The following MACROD2 variants were observed in gnomAD, a reference collection of about 807,000 sequenced individuals.
MACROD2 encodes ADP-ribose glycohydrolase MACROD2.
In MACROD2, 36 loss-of-function variants were observed where a neutral mutation model predicts 70.4. The ratio of observed to expected loss-of-function variants is 0.51; its 90% CI spans 0.39 to 0.68. The LOEUF (loss-of-function observed/expected upper bound fraction) is 0.68, where lower values mean the gene tolerates loss of function less well. MACROD2 is among the 30% of genes least tolerant of loss of function. MACROD2 has a pLI of 0.00. For missense variants in MACROD2, 496 were observed against 538.4 expected (o/e 0.92, Z 0.78); for synonymous variants, 172 against 178.8 (o/e 0.96, Z 0.30).
chr20:14,369,216 G>A (rs150017411), intron 3 of MACROD2, among the ~76,000 whole-genome samples: 1 of 152,320 alleles, frequency 6.6e-6, no homozygotes, highest in East Asian at 1.9e-4. Flanking sequence ...CTCTGAAGGA[G>A]TCCTCAGTTA....
chr20:14,334,710 G>A (rs373716050), intron 3 of MACROD2, among the ~76,000 whole-genome samples: 15 of 152,074 alleles, frequency 9.9e-5, no homozygotes, highest in East Asian at 3.9e-4. Context: ...AGAAATTATG[G>A]CCTTTGAAAA....
rs142423143 is a variant in MACROD2, at chr20:14,837,940, AAAAAC to A, written c.418+153010_418+153014del. Among the ~76,000 whole-genome samples the A allele has an allele frequency of 2.6e-3, 394 of 150,540 alleles. 8 individuals are homozygous for A. Among genetic ancestry groups the A allele is most frequent in the Non-Finnish European group, 3.3e-3 (221 of 67,392 alleles). On this transcript the variant is annotated intron_variant, in intron 5 of 17. Coordinates refer to ENST00000684519, the MANE Select transcript of MACROD2 (RefSeq NM_001351661.2). ...TGTCAACTATTATCAGGCACAGCCA[AAAAAC>A]AAAACAAAACAAAACAAAACAAAAC...
chr20:14,549,775 A>G (rs1978533736), intron 4 of MACROD2, among the ~76,000 whole-genome samples: 1 of 152,150 alleles, frequency 6.6e-6, no homozygotes, highest in Non-Finnish European at 1.5e-5. Context: ...TTTGCCCTTG[A>G]AAAACTCAAA....
At chr20:15,082,522 G>C (rs890538858) in intron 5 of MACROD2, among the ~76,000 whole-genome samples, 1 of 130,612 alleles carries the variant, frequency 7.7e-6, no homozygotes, top group Non-Finnish European at 1.6e-5. Context: ...CACTGCAAGA[G>C]GTTTTTTTTT....
chr20:15,100,304 CTT>C (rs200206733), intron 5 of MACROD2, among the ~76,000 whole-genome samples: 1 of 59,008 alleles, frequency 1.7e-5, no homozygotes, highest in East Asian at 6.3e-4. Flanking sequence ...GCATTTTTGA[CTT>C]ATGATATTTT....
intron 5 of MACROD2, among the ~76,000 whole-genome samples, chr20:15,225,919 G>A (rs867144526): frequency 2.6e-5 from 4 of 152,148 alleles, no homozygotes; most frequent in African/African-American, 9.7e-5. Flanking sequence ...ATCAAAAGGA[G>A]TCTACATTTG....
At chr20:15,503,415 A>G (rs1024202224) in intron 8 of MACROD2, among the ~76,000 whole-genome samples, 17 of 152,242 alleles carry the variant, frequency 1.1e-4, no homozygotes, top group Non-Finnish European at 8.8e-5. Flanking sequence ...TCAGATTACC[A>G]TAACTTTAAC....
At position 15,195,941 on chromosome 20, in the gene MACROD2, G is replaced by A. The variant is rs931147606; in HGVS notation, c.419-33999G>A. ...TCTTGTCTGTTGCAGGGATATAGAT[G>A]GAGCTGGAAACTGTTATCTTCAACA... On this transcript the variant is annotated intron_variant, in intron 5 of 17. Transcript: ENST00000684519. Among the ~76,000 whole-genome samples the A allele has an allele frequency of 6.0e-4, 92 of 152,276 alleles. 1 individual carries two copies. Among genetic ancestry groups the A allele is most frequent in the African/African-American group, 2.1e-3 (86 of 41,552 alleles).
chr20:15,272,685 T>C (rs1050165062), intron 6 of MACROD2, among the ~76,000 whole-genome samples: 4 of 152,192 alleles, frequency 2.6e-5, no homozygotes, highest in Non-Finnish European at 5.9e-5. Flanking sequence ...CTTGAAGGCA[T>C]AGAGTGAAGA....
intron 16 of MACROD2, among the ~76,000 whole-genome samples, chr20:16,043,336 A>C (rs1275142703): frequency 2.6e-5 from 4 of 152,082 alleles, no homozygotes; most frequent in African/African-American, 9.7e-5. Flanking sequence ...AGTCCTGACC[A>C]TTCTGAGTCA....
At chr20:14,668,742 C>A (rs1600519195) in intron 4 of MACROD2, among the ~76,000 whole-genome samples, 1 of 152,010 alleles carries the variant, frequency 6.6e-6, no homozygotes, top group East Asian at 1.9e-4. Flanking sequence ...TTTTTTAATG[C>A]TAAAAAGAGC....
chr20:15,568,602 T>C (rs1411692654), intron 8 of MACROD2, among the ~76,000 whole-genome samples: 1 of 152,200 alleles, frequency 6.6e-6, no homozygotes, highest in Non-Finnish European at 1.5e-5. Flanking sequence ...AAGTGATGCA[T>C]ATTACTCATG....
chr20:14,386,527 G>C (rs760639470), intron 3 of MACROD2, among the ~76,000 whole-genome samples: 20 of 152,322 alleles, frequency 1.3e-4, no homozygotes, highest in Non-Finnish European at 2.6e-4. Context: ...TTAGTCAAAA[G>C]TGAACCCTCG....
At position 15,231,855 on chromosome 20, in the gene MACROD2, C is replaced by T. The variant is rs560948693; in HGVS notation, c.540+1794C>T. Among the ~76,000 whole-genome samples, 5 of 152,040 alleles carry T rather than the reference C, an allele frequency of 3.3e-5. No individual in the cohort carries two copies. The South Asian group carries it at 1.0e-3, about 32-fold the overall frequency. On this transcript the variant is annotated intron_variant, in intron 6 of 17. Coordinates refer to ENST00000684519, the MANE Select transcript of MACROD2 (RefSeq NM_001351661.2). Reference sequence around the variant, plus strand: ...GATGATTATTTTGAAGGGCCAATTACATATTACTTGAATGAAATTAGCAGG... The same window carrying T: ...GATGATTATTTTGAAGGGCCAATTATATATTACTTGAATGAAATTAGCAGG...
chr20:14,274,698 A>T (rs1445760768), intron 3 of MACROD2, among the ~76,000 whole-genome samples: 1 of 152,144 alleles, frequency 6.6e-6, no homozygotes, highest in Non-Finnish European at 1.5e-5. Context: ...GAAAAGAGGA[A>T]GTCAAATTGT....
At position 15,885,791 on chromosome 20, in the gene MACROD2, TTGAAA is replaced by T. The variant is rs757851451; in HGVS notation, c.761_765del (p.Met254ArgfsTer5). The T allele has an allele frequency of 1.3e-6, 2 of 1,497,884 alleles. No individual in the cohort carries two copies. The highest frequency in any genetic ancestry group is 1.4e-5 in the African/African-American group (1 of 69,414). 92.8% of individuals were successfully genotyped at this position (1,497,884 alleles called of 1,614,324 possible). A position where few individuals can be genotyped will look rare whatever the true frequency, so the allele number is the denominator to read the frequency against. On this transcript the variant is annotated frameshift_variant, in exon 10 of 18. Coordinates refer to ENST00000684519, the MANE Select transcript of MACROD2 (RefSeq NM_001351661.2). LOFTEE classifies it high-confidence loss of function. ...GATAATAATGAAGAAGAAGAGGATG[TTGAAA>T]TGAAAGAAGATTCAGGTATTAAATT...
intron 5 of MACROD2, among the ~76,000 whole-genome samples, chr20:15,121,019 G>A (rs1051982169): frequency 1.3e-5 from 2 of 151,816 alleles, no homozygotes; most frequent in African/African-American, 4.8e-5. Flanking sequence ...CTCCACTTTG[G>A]CCTCTCTTTT....
chr20:14,356,055 T>C (rs2083169264), intron 3 of MACROD2, among the ~76,000 whole-genome samples: 1 of 152,188 alleles, frequency 6.6e-6, no homozygotes, highest in Non-Finnish European at 1.5e-5. Flanking sequence ...GACTGCTTAG[T>C]GTCATGGTTA....
chr20:15,566,063 T>C (rs1192892622), intron 8 of MACROD2, among the ~76,000 whole-genome samples: 1 of 152,220 alleles, frequency 6.6e-6, no homozygotes, highest in Non-Finnish European at 1.5e-5. Flanking sequence ...CATCTGCTTA[T>C]GGCCACAGTA....
Sources: allele counts gnomAD v4.1 joint callset (sites outside exome capture counted in the v4.1 genomes callset), GRCh38; gene constraint gnomAD v4.1.1; transcripts MANE v1.5; gene names NCBI Gene and HGNC (gene_info 2026-07-23, HGNC 2026-07-21).